The following RAPGEF5 variants were observed in gnomAD, a reference collection of about 807,000 sequenced individuals.
The protein encoded by RAPGEF5 is Rap guanine nucleotide exchange factor 5.
RAPGEF5 carries 65 observed loss-of-function variants against 125.2 expected under a neutral mutation model. The ratio of observed to expected loss-of-function variants is 0.52; its 90% CI spans 0.43 to 0.64. The LOEUF is 0.64. Among genes scored for constraint, RAPGEF5 ranks in the 30% least tolerant of loss-of-function variants. RAPGEF5 has a pLI of 0.00. For missense variants in RAPGEF5, 958 were observed against 1,048.1 expected, an observed-to-expected ratio of 0.91 and a Z score of 1.19; for synonymous variants, 391 against 385.9, an observed-to-expected ratio of 1.01 and a Z score of -0.16.
chr7:22,165,036 C>G (rs1784119050), intron 12 of RAPGEF5, among the ~76,000 whole-genome samples: 2 of 152,098 alleles, frequency 1.3e-5, no homozygotes, highest in Admixed American at 1.3e-4. Context: ...AATATAGATT[C>G]CCTTTGTGTT....
chr7:22,135,077 T>C (rs1193800261), intron 23 of RAPGEF5, among the ~76,000 whole-genome samples: 2 of 152,256 alleles, frequency 1.3e-5, no homozygotes, highest in Middle Eastern at 3.4e-3. Context: ...GCCAGCTTTA[T>C]TGGGTAGACG....
chr7:22,163,808 T>G (rs570115367), intron 12 of RAPGEF5, among the ~76,000 whole-genome samples: 2 of 152,322 alleles, frequency 1.3e-5, no homozygotes, highest in Non-Finnish European at 2.9e-5. Context: ...ACTTGAGGGT[T>G]GTTGGACAGC....
intron 3 of RAPGEF5, 90 bp from the exon 4 acceptor site, chr7:22,310,180 T>C: frequency 3.1e-6 from 4 of 1,280,968 alleles, no homozygotes; most frequent in Non-Finnish European, 4.0e-6. Flanking sequence ...TTTCCTTTCA[T>C]GTGCTTGCTT....
chr7:22,293,212 G>T (rs1160288882), intron 5 of RAPGEF5, among the ~76,000 whole-genome samples: 1 of 152,182 alleles, frequency 6.6e-6, no homozygotes, highest in Non-Finnish European at 1.5e-5. Flanking sequence ...AGCTTGCCCT[G>T]TTTTTCCATC....
At position 22,181,463 on chromosome 7, in the gene RAPGEF5, G is replaced by C. The variant is rs536315546; in HGVS notation, c.1204+11904C>G. Among the ~76,000 whole-genome samples the C allele has an allele frequency of 3.3e-5, 5 of 152,256 alleles. No individual in the cohort carries two copies. In the South Asian group the frequency reaches 6.2e-4, roughly 19 times the overall value. ...ACTTTTCATGTTCCCACTAAATGAA[G>C]CTCATTTAAAGGATTAAAATATTTC... is the stretch of plus-strand genomic sequence containing the variant. On this transcript the variant is annotated intron_variant, in intron 11 of 25. Coordinates refer to ENST00000665637, the MANE Select transcript of RAPGEF5 (RefSeq NM_012294.5).
chr7:22,314,545 G>T, intron 3 of RAPGEF5: 1 of 785,210 alleles, frequency 1.3e-6, no homozygotes, highest in Non-Finnish European at 1.5e-6. Context: ...TAACATAAAG[G>T]AATATCCTTT....
chr7:22,273,440 G>C (rs182579416), intron 6 of RAPGEF5, among the ~76,000 whole-genome samples: 3 of 150,358 alleles, frequency 2.0e-5, no homozygotes, highest in Non-Finnish European at 4.4e-5. Flanking sequence ...GGATGGTCTC[G>C]ATCTCCTGAC....
Position 22,252,688 on chromosome 7 carries a change from G to A in RAPGEF5, c.796+14276C>T, listed in dbSNP as rs1007775128. Among the ~76,000 whole-genome samples, 3 of 152,114 alleles carry A rather than the reference G, an allele frequency of 2.0e-5. No homozygotes were observed. In the South Asian group the frequency reaches 6.2e-4, roughly 32 times the overall value. On this transcript the variant is annotated intron_variant, in intron 7 of 25. Transcript: ENST00000665637. Reference sequence around the variant, plus strand: ...TTTCTTTTATAGTATGCCATTGAATGGTTATTTATCATTTCGACTTAATAG... The same window carrying A: ...TTTCTTTTATAGTATGCCATTGAATAGTTATTTATCATTTCGACTTAATAG...
At chr7:22,195,237 C>A (rs1049162686) in intron 9 of RAPGEF5, among the ~76,000 whole-genome samples, 2 of 152,136 alleles carry the variant, frequency 1.3e-5, no homozygotes, top group Admixed American at 1.3e-4. Flanking sequence ...GTTCTACAGG[C>A]TAATCAGGGA....
chr7:22,239,537 T>C lies in RAPGEF5; in HGVS notation c.797-8618A>G, dbSNP rs571058379. Among the ~76,000 whole-genome samples the C allele has an allele frequency of 3.3e-5, 5 of 152,138 alleles. No individual in the cohort carries two copies. In the South Asian group the frequency reaches 1.0e-3, roughly 32 times the overall value. Reference sequence around the variant, plus strand: ...GCAACTCAAGCCACTGAGAGAGTTCTGGGTGGCCTCGCTCCACCCTCCCTG... The same window carrying C: ...GCAACTCAAGCCACTGAGAGAGTTCCGGGTGGCCTCGCTCCACCCTCCCTG... On this transcript the variant is annotated intron_variant, in intron 7 of 25. Coordinates refer to ENST00000665637, the MANE Select transcript of RAPGEF5 (RefSeq NM_012294.5).
chr7:22,226,186 T>C (rs1292075728), intron 8 of RAPGEF5, among the ~76,000 whole-genome samples: 1 of 152,240 alleles, frequency 6.6e-6, no homozygotes, highest in Non-Finnish European at 1.5e-5. Flanking sequence ...AGAGTCCACC[T>C]TTCATGAAAG....
Position 22,120,822 on chromosome 7 carries a change from T to A in RAPGEF5, c.*1584A>T, listed in dbSNP as rs2128095240. On this transcript the variant is annotated 3_prime_UTR_variant, in exon 26 of 26. Coordinates refer to ENST00000665637, the MANE Select transcript of RAPGEF5 (RefSeq NM_012294.5). This position sits in a 1 kb window ranked among gnomAD's most constrained non-coding sequence, Gnocchi z 4.0. ...CCACATGGTTCCTTCCAGCAGTATCTCAAGCTCAGTGTGGTTCCTGAGCCC... is the reference window on the plus strand; with the variant it reads ...CCACATGGTTCCTTCCAGCAGTATCACAAGCTCAGTGTGGTTCCTGAGCCC... 2 of 152,372 alleles carry A rather than the reference T, an allele frequency of 1.3e-5. No homozygotes were observed. Among genetic ancestry groups the A allele is most frequent in the South Asian group, 4.1e-4 (2 of 4,830 alleles). 9.4% of individuals were successfully genotyped at this position (152,372 alleles called of 1,614,324 possible). A position where few individuals can be genotyped will look rare whatever the true frequency, so the allele number is the denominator to read the frequency against.
chr7:22,219,180 A>G (rs1290347138), intron 9 of RAPGEF5, among the ~76,000 whole-genome samples: 1 of 152,138 alleles, frequency 6.6e-6, no homozygotes, highest in Non-Finnish European at 1.5e-5. Flanking sequence ...CCAAGTCAAC[A>G]GATAACAATG....
chr7:22,342,310 C>T (rs1428457967), intron 1 of RAPGEF5, among the ~76,000 whole-genome samples: 1 of 152,220 alleles, frequency 6.6e-6, no homozygotes, highest in Non-Finnish European at 1.5e-5. Context: ...CTGGGCCCAG[C>T]CCACCAAACC....
At chr7:22,157,959 A>G in intron 14 of RAPGEF5, 74 bp from the exon 15 acceptor site, 1 of 1,421,024 alleles carries the variant, frequency 7.0e-7, no homozygotes, top group Non-Finnish European at 9.9e-7. Context: ...ACGGAAGACT[A>G]ATTTTCCAGC....
At chr7:22,268,255 A>T (rs1782331623) in intron 6 of RAPGEF5, among the ~76,000 whole-genome samples, 1 of 152,180 alleles carries the variant, frequency 6.6e-6, no homozygotes, top group Non-Finnish European at 1.5e-5. Flanking sequence ...TCTCAGGAAA[A>T]TTACATGGCA....
intron 1 of RAPGEF5, chr7:22,355,844 G>T: frequency 1.7e-6 from 1 of 590,708 alleles, no homozygotes; most frequent in South Asian, 7.5e-5. Context: ...AAGTCTCCCA[G>T]CAAGGTCTTG....
chr7:22,354,473 A>T (rs1433722275), intron 1 of RAPGEF5, among the ~76,000 whole-genome samples: 1 of 152,172 alleles, frequency 6.6e-6, no homozygotes, highest in African/African-American at 2.4e-5. Context: ...CCAGATGCTA[A>T]CAAGTCACCA....
chr7:22,253,616 T>C (rs1006573037), intron 7 of RAPGEF5, among the ~76,000 whole-genome samples: 3 of 152,174 alleles, frequency 2.0e-5, no homozygotes, highest in Non-Finnish European at 4.4e-5. Flanking sequence ...AGCAATTAGA[T>C]GGAAAGAAGA....
Sources: allele counts gnomAD v4.1 joint callset (sites outside exome capture counted in the v4.1 genomes callset), GRCh38; gene constraint gnomAD v4.1.1; non-coding constraint Gnocchi (gnomAD v3.1); transcripts MANE v1.5; gene names NCBI Gene and HGNC (gene_info 2026-07-23, HGNC 2026-07-21).